Variants in KIAA0825 observed in about 807,000 individuals in gnomAD.
KIAA0825 encodes KIAA0825.
In KIAA0825, 119 loss-of-function variants were observed where a neutral mutation model predicts 147.6. The ratio of observed to expected loss-of-function variants is 0.81; its 90% CI spans 0.69 to 0.94. The LOEUF is 0.94. Ranked by LOEUF, KIAA0825 falls within the 40% of genes least tolerant of loss-of-function variation. The pLI is 0.00. For synonymous variants in KIAA0825, 470 were observed against 518.1 expected (o/e 0.91, Z 1.26); for missense variants, 1,381 against 1,472.7 (o/e 0.94, Z 1.02).
chr5:94,184,838 TG>T (rs1769984999), intron 20 of KIAA0825, among the ~76,000 whole-genome samples: 1 of 152,202 alleles, frequency 6.6e-6, no homozygotes, highest in Non-Finnish European at 1.5e-5. Flanking sequence ...TTCTGTACTT[TG>T]TCAATGAAGA....
intron 20 of KIAA0825, among the ~76,000 whole-genome samples, chr5:94,301,500 C>T (rs866038626): frequency 1.3e-5 from 2 of 152,054 alleles, no homozygotes; most frequent in Admixed American, 6.6e-5. Context: ...GGTAGATATG[C>T]AATGAGAACT....
intron 16 of KIAA0825, among the ~76,000 whole-genome samples, chr5:94,397,686 C>T (rs187115950): frequency 5.9e-5 from 9 of 152,164 alleles, no homozygotes; most frequent in Non-Finnish European, 1.3e-4. Context: ...CCTCCACCCA[C>T]TAGATGTCAG....
intron 20 of KIAA0825, among the ~76,000 whole-genome samples, chr5:94,288,985 C>T (rs972080611): frequency 6.6e-6 from 1 of 152,098 alleles, no homozygotes; most frequent in Non-Finnish European, 1.5e-5. Context: ...TGCTGATCAA[C>T]CCCCCTTTCT....
intron 12 of KIAA0825, among the ~76,000 whole-genome samples, chr5:94,458,031 G>T (rs919833570): frequency 2.0e-5 from 3 of 152,186 alleles, no homozygotes; most frequent in Non-Finnish European, 4.4e-5. Context: ...GAATGACTAA[G>T]ATAGCCCTGA....
intron 14 of KIAA0825, among the ~76,000 whole-genome samples, chr5:94,425,815 G>A (rs1297771121): frequency 1.3e-5 from 2 of 151,864 alleles, no homozygotes; most frequent in Non-Finnish European, 2.9e-5. Flanking sequence ...ATTCTAACAG[G>A]GGTAAGATGA....
intron 1 of KIAA0825, among the ~76,000 whole-genome samples, chr5:94,602,155 C>CTGGCTAACA (rs1159651933): frequency 1.3e-5 from 2 of 152,184 alleles, no homozygotes; most frequent in East Asian, 3.9e-4. Flanking sequence ...CAAGACTATC[C>CTGGCTAACA]TGGCTAACAT....
intron 2 of KIAA0825, among the ~76,000 whole-genome samples, chr5:94,562,470 T>A (rs539168167): frequency 1.3e-3 from 195 of 152,368 alleles, no homozygotes; most frequent in Non-Finnish European, 2.3e-3. Context: ...GTGTCAATTT[T>A]GCTTTCTCAC....
chr5:94,219,123 C>T lies in KIAA0825; in HGVS notation c.3711-64999G>A, dbSNP rs139778255. 1.3e-4 allele frequency among the ~76,000 whole-genome samples: 20 copies of T among 152,078 alleles called. No homozygotes were observed. The South Asian group carries it at 3.1e-3, about 24-fold the overall frequency. On this transcript the variant is annotated intron_variant, in intron 20 of 20. Transcript: ENST00000682413. ...AGAGACAGTTTTGGAATGATTAAAG[C>T]GCATTACATTTATTGGCACTTTATT...
chr5:94,549,477 T>C (rs1352037698), intron 2 of KIAA0825, among the ~76,000 whole-genome samples: 4 of 152,160 alleles, frequency 2.6e-5, no homozygotes, highest in African/African-American at 9.6e-5. Flanking sequence ...TTTGAGAGGC[T>C]GAGGCAGGCA....
rs369245559 is a variant in KIAA0825 at position 94,264,602 on chromosome 5, A to G, written c.3711-110478T>C. ...TATTTGCATTCATGTCAATTTCTGAACTTTTGCTTACACTATTTCCCTTAC... is the reference window on the plus strand; with the variant it reads ...TATTTGCATTCATGTCAATTTCTGAGCTTTTGCTTACACTATTTCCCTTAC... On this transcript the variant is annotated intron_variant, in intron 20 of 20. Coordinates refer to ENST00000682413, the MANE Select transcript of KIAA0825 (RefSeq NM_001145678.3). 7.9e-5 allele frequency among the ~76,000 whole-genome samples: 12 copies of G among 152,186 alleles called. No homozygotes were observed. The South Asian group carries it at 1.2e-3, about 16-fold the overall frequency.
At chr5:94,431,809 T>G (rs1755708367) in intron 14 of KIAA0825, among the ~76,000 whole-genome samples, 1 of 152,234 alleles carries the variant, frequency 6.6e-6, no homozygotes, top group Non-Finnish European at 1.5e-5. Context: ...ATTACAAATC[T>G]ATGATGCACA....
At chr5:94,507,463 C>A (rs28404931) in intron 5 of KIAA0825, among the ~76,000 whole-genome samples, 14,667 of 149,420 alleles carry the variant, frequency 0.098, 2,401 homozygotes, top group African/African-American at 0.35. Context: ...CCGCCCCCCC[C>A]AAAAAAACCT....
intron 2 of KIAA0825, among the ~76,000 whole-genome samples, chr5:94,546,516 AC>A (rs1329769683): frequency 2.7e-5 from 3 of 109,446 alleles, no homozygotes. Context: ...GTGGCTCAGC[AC>A]AGAGAGAGAG....
intron 20 of KIAA0825, among the ~76,000 whole-genome samples, chr5:94,173,677 C>T (rs1768839772): frequency 6.6e-6 from 1 of 152,098 alleles, no homozygotes; most frequent in African/African-American, 2.4e-5. Flanking sequence ...CTCTCAGATT[C>T]AAGGGGAGGA....
intron 20 of KIAA0825, among the ~76,000 whole-genome samples, chr5:94,168,569 G>A (rs1768285674): frequency 6.6e-6 from 1 of 152,130 alleles, no homozygotes. Flanking sequence ...CAGTAGTAAT[G>A]GAATCTGAAC....
intron 2 of KIAA0825, chr5:94,569,582 AACC>A: frequency 2.5e-6 from 1 of 403,092 alleles, no homozygotes; most frequent in Non-Finnish European, 4.6e-6. Context: ...AAAATTAATT[AACC>A]ACTCATTTAT....
At chr5:94,509,157 T>C (rs1253014257) in intron 5 of KIAA0825, among the ~76,000 whole-genome samples, 1 of 152,136 alleles carries the variant, frequency 6.6e-6, no homozygotes, top group African/African-American at 2.4e-5. Context: ...CTCTGTTGAT[T>C]GAAAATGACA....
chr5:94,401,138 A>T (rs927509471), intron 16 of KIAA0825, among the ~76,000 whole-genome samples: 3 of 152,106 alleles, frequency 2.0e-5, no homozygotes, highest in Non-Finnish European at 4.4e-5. Context: ...GTTTATCAAG[A>T]TGACTCCAAA....
chr5:94,342,959 G>C (rs1220921725), intron 20 of KIAA0825, among the ~76,000 whole-genome samples: 1 of 151,960 alleles, frequency 6.6e-6, no homozygotes, highest in Non-Finnish European at 1.5e-5. Context: ...TACCAAAAAA[G>C]AGAAAACAAA....
Sources: allele counts gnomAD v4.1 joint callset (sites outside exome capture counted in the v4.1 genomes callset), GRCh38; gene constraint gnomAD v4.1.1; transcripts MANE v1.5; gene names NCBI Gene and HGNC (gene_info 2026-07-23, HGNC 2026-07-21).